AGAP1: variants seen among roughly 807,000 people sequenced by gnomAD.
AGAP1 encodes the protein ArfGAP with GTPase domain, ankyrin repeat and PH domain 1.
A neutral mutation model predicts 105.3 loss-of-function variants in AGAP1; 29 were observed. The ratio of observed to expected loss-of-function variants is 0.28; its 90% CI spans 0.21 to 0.38. The LOEUF is 0.38. AGAP1 is among the 10% of genes least tolerant of loss of function. The pLI is 1.00. For synonymous variants in AGAP1, 509 were observed against 485.9 expected (o/e 1.05, Z -0.63); for missense variants, 998 against 1,165.1 (o/e 0.86, Z 2.09).
chr2:235,553,754 C>G lies in AGAP1; in HGVS notation c.163+58905C>G, dbSNP rs1418339429. On this transcript the variant is annotated intron_variant, in intron 1 of 17. Coordinates refer to ENST00000304032, the MANE Select transcript of AGAP1 (RefSeq NM_001037131.3). The surrounding 1 kb of genome is among the most constrained non-coding windows in gnomAD (Gnocchi z 4.5). ...GGGTGGGGTGCAGGAGAGGAGCGTT[C>G]AGGGCACCTCTGAGCACATGTGACA... Among the ~76,000 whole-genome samples the G allele has an allele frequency of 6.6e-6, 1 of 152,092 alleles. No individual in the cohort carries two copies. Among genetic ancestry groups the G allele is most frequent in the Non-Finnish European group, 1.5e-5 (1 of 68,010 alleles).
chr2:235,924,395 C>T (rs1259607428), intron 11 of AGAP1, among the ~76,000 whole-genome samples: 1 of 152,160 alleles, frequency 6.6e-6, no homozygotes, highest in Non-Finnish European at 1.5e-5. Flanking sequence ...ATACCTTCTA[C>T]TAGACTAGAT....
chr2:235,707,246 G>A (rs958873726), intron 1 of AGAP1, among the ~76,000 whole-genome samples: 2 of 152,210 alleles, frequency 1.3e-5, no homozygotes, highest in African/African-American at 4.8e-5. Context: ...AGCTCCTGCA[G>A]ATGGGCCTCT....
At chr2:235,783,915 G>T (rs1317576620) in intron 6 of AGAP1, among the ~76,000 whole-genome samples, 2 of 152,166 alleles carry the variant, frequency 1.3e-5, no homozygotes, top group African/African-American at 4.8e-5. Context: ...AAATGTGTGG[G>T]AGTGAACTGA....
rs1387090928 is a variant in AGAP1 at position 235,729,844 on chromosome 2, A to T, written c.311-11119A>T. On this transcript the variant is annotated intron_variant, in intron 3 of 17. Transcript: ENST00000304032. This position sits in a 1 kb window ranked among gnomAD's most constrained non-coding sequence, Gnocchi z 5.0. ...TTCCGTGTTGCTACTGCCTGAGAAC[A>T]GAGGTTTTTAGTTTCTTTAAAGGGT... 6.6e-6 allele frequency among the ~76,000 whole-genome samples: 1 copy of T among 152,192 alleles called. No individual in the cohort carries two copies. Among genetic ancestry groups the T allele is most frequent in the Non-Finnish European group, 1.5e-5 (1 of 68,040 alleles).
chr2:235,957,243 C>T lies in AGAP1; in HGVS notation c.1484-11219C>T, dbSNP rs76230999. On this transcript the variant is annotated intron_variant, in intron 12 of 17. Coordinates refer to ENST00000304032, the MANE Select transcript of AGAP1 (RefSeq NM_001037131.3). This position sits in a 1 kb window ranked among gnomAD's most constrained non-coding sequence, Gnocchi z 4.6. ...CTCATCTCAATGGAAGATCAAATTT[C>T]CTAAATTCCTACTGACTAGGCTTAA... is the stretch of plus-strand genomic sequence containing the variant. 0.019 allele frequency among the ~76,000 whole-genome samples: 2,880 copies of T among 152,276 alleles called. 34 individuals are homozygous for T. The highest frequency in any genetic ancestry group is 0.027 in the Non-Finnish European group (1,834 of 68,020).
chr2:235,819,099 TTTC>T (rs1240646892), intron 9 of AGAP1, among the ~76,000 whole-genome samples: 1 of 147,496 alleles, frequency 6.8e-6, no homozygotes, highest in African/African-American at 2.5e-5. Flanking sequence ...GGAAATTGTA[TTTC>T]TTTTCTTTTC....
chr2:236,036,537 T>G lies in AGAP1; in HGVS notation c.1646-24T>G, dbSNP rs918660614. ...CTGCTGTCTCATAAAAGCTAAACTC[T>G]TCATCCCACACTCTGTGTTTCAGAA... On this transcript the variant is annotated intron_variant, in intron 13 of 17. Transcript: ENST00000304032. This position sits in a 1 kb window ranked among gnomAD's most constrained non-coding sequence, Gnocchi z 5.7. 3 of 1,612,404 alleles carry G rather than the reference T, an allele frequency of 1.9e-6. No individual in the cohort carries two copies. The highest frequency in any genetic ancestry group is 3.3e-4 in the Middle Eastern group (2 of 6,042).
chr2:235,876,396 C>T (rs1490424985), intron 9 of AGAP1, among the ~76,000 whole-genome samples: 1 of 152,156 alleles, frequency 6.6e-6, no homozygotes, highest in African/African-American at 2.4e-5. Flanking sequence ...CAGATTATAA[C>T]CCGGCCCTTG....
At chr2:236,116,660 C>A (rs2059778654) in intron 16 of AGAP1, among the ~76,000 whole-genome samples, 1 of 152,102 alleles carries the variant, frequency 6.6e-6, no homozygotes, top group African/African-American at 2.4e-5. Context: ...TGAGTAAATT[C>A]TTTAGTGGTG....
chr2:235,868,877 A>C (rs889587346), intron 9 of AGAP1, among the ~76,000 whole-genome samples: 1 of 152,198 alleles, frequency 6.6e-6, no homozygotes, highest in Non-Finnish European at 1.5e-5. Flanking sequence ...ATGACGAATA[A>C]AGGGATTGCA....
At chr2:235,995,894 G>T (rs1407072377) in intron 13 of AGAP1, among the ~76,000 whole-genome samples, 1 of 152,136 alleles carries the variant, frequency 6.6e-6, no homozygotes, top group Non-Finnish European at 1.5e-5. Flanking sequence ...GGGTTTGGAG[G>T]TCATTGTGCA....
chr2:236,034,245 C>T (rs952063508), intron 13 of AGAP1, among the ~76,000 whole-genome samples: 7 of 151,594 alleles, frequency 4.6e-5, no homozygotes, highest in Non-Finnish European at 8.8e-5. Flanking sequence ...AGTACTTGCA[C>T]GATATCATTG....
intron 1 of AGAP1, among the ~76,000 whole-genome samples, chr2:235,638,313 C>G (rs1455668518): frequency 6.6e-6 from 1 of 152,124 alleles, no homozygotes; most frequent in African/African-American, 2.4e-5. Flanking sequence ...GTGTGGCCCC[C>G]TCACAGTTGC....
intron 8 of AGAP1, 35 bp from the exon 9 acceptor site, chr2:235,807,204 C>A: frequency 1.2e-6 from 2 of 1,601,572 alleles, no homozygotes; most frequent in Non-Finnish European, 1.7e-6. Context: ...AACCACAGCC[C>A]TTACCCAGAT....
intron 1 of AGAP1, chr2:235,669,834 G>T (rs1159637712): frequency 6.8e-6 from 1 of 148,060 alleles, no homozygotes; most frequent in African/African-American, 2.4e-5. Flanking sequence ...ACCTGCCGGC[G>T]AGAGCGCTCT....
intron 5 of AGAP1, among the ~76,000 whole-genome samples, chr2:235,749,210 TAAAAAAAAAG>T (rs71737073): frequency 0.23 from 34,832 of 148,754 alleles, 4,356 homozygotes; most frequent in East Asian, 0.5. Context: ...TCCATCTCAT[TAAAAAAAAAG>T]AAAAAAAAAG....
At chr2:236,122,619 C>T (rs933258105) in intron 17 of AGAP1, among the ~76,000 whole-genome samples, 1 of 151,962 alleles carries the variant, frequency 6.6e-6, no homozygotes. Context: ...TAATCAATCA[C>T]AGATCCTAAG....
At chr2:236,102,261 C>T (rs543933525) in intron 16 of AGAP1, among the ~76,000 whole-genome samples, 2 of 151,900 alleles carry the variant, frequency 1.3e-5, no homozygotes, top group Non-Finnish European at 2.9e-5. Context: ...ACTAAAAATA[C>T]AAAAAATTAG....
At chr2:235,852,757 G>T in intron 9 of AGAP1, 2 of 1,537,482 alleles carry the variant, frequency 1.3e-6, no homozygotes, top group Non-Finnish European at 8.8e-7. Context: ...GTGCCCGTCA[G>T]TCCTCCCCCT....
Sources: gnomAD v4.1 joint callset for allele counts (sites outside exome capture counted in the v4.1 genomes callset) on GRCh38, gnomAD v4.1.1 for gene constraint, Gnocchi (gnomAD v3.1) non-coding constraint, MANE v1.5 for transcripts, NCBI Gene and HGNC (gene_info 2026-07-23, HGNC 2026-07-21) for gene names.